Variants in DGKI observed in about 807,000 individuals in gnomAD.
DGKI encodes DAG kinase iota.
Under a neutral mutation model 147.5 loss-of-function variants are expected in DGKI, and 55 were observed. That is an observed-to-expected ratio of 0.37 (90% confidence interval 0.30 to 0.47). The LOEUF (loss-of-function observed/expected upper bound fraction) is 0.47, where lower values mean the gene tolerates loss of function less well. DGKI is among the 20% of genes least tolerant of loss of function. The pLI is 1.00. For synonymous variants in DGKI, 469 were observed against 477.1 expected, an observed-to-expected ratio of 0.98 and a Z score of 0.22; for missense variants, 1,007 against 1,323.8, an observed-to-expected ratio of 0.76 and a Z score of 3.71.
At chr7:137,625,270 A>C (rs908065662) in intron 6 of DGKI, among the ~76,000 whole-genome samples, 1 of 151,568 alleles carries the variant, frequency 6.6e-6, no homozygotes, top group African/African-American at 2.4e-5. Context: ...GAGCAGCCTG[A>C]CCAACATGGG....
chr7:137,727,750 T>C (rs1165954752), intron 1 of DGKI, among the ~76,000 whole-genome samples: 2 of 152,150 alleles, frequency 1.3e-5, no homozygotes, highest in Non-Finnish European at 2.9e-5. Context: ...ATAAAATAAT[T>C]TGAAACCATG....
chr7:137,615,759 A>G (rs1291442205), intron 8 of DGKI, among the ~76,000 whole-genome samples: 1 of 152,136 alleles, frequency 6.6e-6, no homozygotes, highest in Non-Finnish European at 1.5e-5. Context: ...AACAGATCAG[A>G]GACACAATGA....
intron 6 of DGKI, among the ~76,000 whole-genome samples, chr7:137,633,964 G>A (rs1821224374): frequency 1.3e-5 from 2 of 152,216 alleles, no homozygotes. Context: ...GCAAGAAGTG[G>A]AAGGTACATC....
Position 137,736,235 on chromosome 7 carries a change from AT to A in DGKI, c.402-46234del, listed in dbSNP as rs568969406. On this transcript the variant is annotated intron_variant, in intron 1 of 32. Coordinates refer to ENST00000614521, the MANE Select transcript of DGKI (RefSeq NM_001321708.2). Reference sequence around the variant, plus strand: ...TCCAAACAGATTTTGCAACCTGATCATTATGAATGCTGGAAACATCAGTAAA... The same window carrying A: ...TCCAAACAGATTTTGCAACCTGATCATATGAATGCTGGAAACATCAGTAAA... Among the ~76,000 whole-genome samples, 148 of 152,254 alleles carry A rather than the reference AT, an allele frequency of 9.7e-4. 3 individuals are homozygous for A. The South Asian group carries it at 0.021, about 22-fold the overall frequency.
intron 28 of DGKI, among the ~76,000 whole-genome samples, 172 bp from the exon 29 acceptor site, chr7:137,412,379 A>C (rs1171639908): frequency 2.6e-5 from 4 of 152,088 alleles, no homozygotes; most frequent in Non-Finnish European, 5.9e-5. Context: ...TTCCCCACCC[A>C]GGTACCCATT....
At chr7:137,622,610 A>C (rs1247556978) in intron 7 of DGKI, among the ~76,000 whole-genome samples, 4 of 152,234 alleles carry the variant, frequency 2.6e-5, no homozygotes, top group Non-Finnish European at 4.4e-5. Context: ...AATGAAAAAA[A>C]ACAGCCACAG....
At chr7:137,407,769 T>A in intron 30 of DGKI, 106 bp downstream of exon 30, 3 of 1,444,370 alleles carry the variant, frequency 2.1e-6, no homozygotes, top group Non-Finnish European at 2.9e-6. Context: ...TCGAGAGTAT[T>A]TCTGCCATTC....
chr7:137,652,345 GTC>G (rs376966956), intron 5 of DGKI, among the ~76,000 whole-genome samples: 39 of 152,248 alleles, frequency 2.6e-4, no homozygotes, highest in African/African-American at 9.4e-4. Flanking sequence ...GATTAAAATT[GTC>G]TCTCTTTCTC....
chr7:137,430,408 G>A (rs56986393), intron 28 of DGKI, among the ~76,000 whole-genome samples: 8,272 of 138,738 alleles, frequency 0.06, 750 homozygotes, highest in African/African-American at 0.19. Flanking sequence ...CTATTGTGGC[G>A]TGGGGGGAGG....
chr7:137,464,799 T>C (rs796418749), intron 26 of DGKI, among the ~76,000 whole-genome samples: 4 of 152,332 alleles, frequency 2.6e-5, no homozygotes, highest in African/African-American at 9.6e-5. Context: ...GCTAGCCTAG[T>C]GGACTGTTTA....
intron 20 of DGKI, among the ~76,000 whole-genome samples, chr7:137,527,030 AT>A (rs1337782143): frequency 1.3e-5 from 2 of 152,166 alleles, no homozygotes; most frequent in African/African-American, 4.8e-5. Flanking sequence ...ATATCCGTTA[AT>A]ATTAAGACAT....
At chr7:137,713,217 C>T (rs761753842) in intron 1 of DGKI, among the ~76,000 whole-genome samples, 2 of 152,124 alleles carry the variant, frequency 1.3e-5, no homozygotes, top group Non-Finnish European at 2.9e-5. Context: ...AACATAGCAA[C>T]CAGCACAGAA....
intron 1 of DGKI, among the ~76,000 whole-genome samples, chr7:137,813,567 T>A (rs763134294): frequency 2.0e-5 from 3 of 152,152 alleles, no homozygotes; most frequent in Non-Finnish European, 2.9e-5. Context: ...TTCAATAAAC[T>A]TAAAACAGAA....
At chr7:137,472,221 A>G (rs1269752666) in intron 23 of DGKI, among the ~76,000 whole-genome samples, 1 of 112,848 alleles carries the variant, frequency 8.9e-6, no homozygotes, top group Non-Finnish European at 1.6e-5. Flanking sequence ...ATATATATGT[A>G]TATATACATA....
chr7:137,740,384 G>A (rs901117021), intron 1 of DGKI, among the ~76,000 whole-genome samples: 1 of 152,134 alleles, frequency 6.6e-6, no homozygotes, highest in African/African-American at 2.4e-5. Flanking sequence ...GGACCCCTGA[G>A]GTCAGATTCA....
chr7:137,431,303 A>T (rs1813063303), intron 28 of DGKI, among the ~76,000 whole-genome samples: 3 of 151,594 alleles, frequency 2.0e-5, no homozygotes, highest in African/African-American at 7.3e-5. Flanking sequence ...CGAGGGTGAC[A>T]GGATGGAAAT....
intron 1 of DGKI, among the ~76,000 whole-genome samples, chr7:137,724,772 T>TGTGGA (rs1794673560): frequency 6.6e-6 from 1 of 152,030 alleles, no homozygotes; most frequent in African/African-American, 2.4e-5. Flanking sequence ...AAGTAGGAGG[T>TGTGGA]GTGGAGTGCA....
intron 5 of DGKI, among the ~76,000 whole-genome samples, chr7:137,646,806 AT>A (rs1247031960): frequency 6.6e-6 from 1 of 152,202 alleles, no homozygotes; most frequent in Non-Finnish European, 1.5e-5. Context: ...TGGACAGAAA[AT>A]AGATCAGTGT....
At chr7:137,582,315 C>A (rs1297368773) in intron 14 of DGKI, among the ~76,000 whole-genome samples, 2 of 151,930 alleles carry the variant, frequency 1.3e-5, no homozygotes, top group African/African-American at 4.8e-5. Flanking sequence ...AATGTCTAAC[C>A]AACTTAATCA....
Sources: gnomAD v4.1 joint callset for allele counts (sites outside exome capture counted in the v4.1 genomes callset) on GRCh38, gnomAD v4.1.1 for gene constraint, MANE v1.5 for transcripts, NCBI Gene and HGNC (gene_info 2026-07-23, HGNC 2026-07-21) for gene names.